CSMD1: variants seen among roughly 807,000 people sequenced by gnomAD.
CSMD1 encodes the protein CUB and sushi domain-containing protein 1.
Under a neutral mutation model 417.5 loss-of-function variants are expected in CSMD1, and 213 were observed. The observed-to-expected ratio is 0.51, with a 90% CI of 0.46 to 0.57. The LOEUF is 0.57. CSMD1 is among the 20% of genes least tolerant of loss of function. The probability of loss-of-function intolerance (pLI) is 0.00; values close to 1 mark genes in which losing one functional copy is unlikely to be tolerated. For missense variants in CSMD1, 6,923 were observed against 4,529.7 expected, an observed-to-expected ratio of 1.53 and a Z score of -15.17; for synonymous variants, 2,862 against 1,736.8, an observed-to-expected ratio of 1.65 and a Z score of -16.11.
chr8:4,704,554 T>G (rs1181291242), intron 1 of CSMD1, among the ~76,000 whole-genome samples: 1 of 152,220 alleles, frequency 6.6e-6, no homozygotes, highest in Non-Finnish European at 1.5e-5. Flanking sequence ...TTGACTGCTT[T>G]TGATTACAGA....
chr8:4,397,806 A>C (rs571791694), intron 3 of CSMD1, among the ~76,000 whole-genome samples: 1 of 152,106 alleles, frequency 6.6e-6, no homozygotes, highest in Non-Finnish European at 1.5e-5. Flanking sequence ...TTACATGCTA[A>C]TTATACAATA....
chr8:4,191,941 C>T (rs1799057273), intron 3 of CSMD1, among the ~76,000 whole-genome samples: 1 of 152,168 alleles, frequency 6.6e-6, no homozygotes, highest in Non-Finnish European at 1.5e-5. Context: ...CTCCCTTAAA[C>T]CAACTGCACC....
chr8:3,662,808 G>C (rs1001175470), intron 7 of CSMD1, among the ~76,000 whole-genome samples: 3 of 151,986 alleles, frequency 2.0e-5, no homozygotes, highest in Non-Finnish European at 1.5e-5. Context: ...TGGACACAGG[G>C]AGGGGAACAT....
intron 3 of CSMD1, among the ~76,000 whole-genome samples, chr8:4,175,568 T>C (rs761956158): frequency 2.8e-4 from 42 of 152,268 alleles, no homozygotes; most frequent in South Asian, 8.3e-4. Flanking sequence ...CTTAGATTTT[T>C]TGAAAGGTAT....
intron 6 of CSMD1, among the ~76,000 whole-genome samples, chr8:3,737,261 C>A (rs537882685): frequency 6.6e-6 from 1 of 152,190 alleles, no homozygotes; most frequent in African/African-American, 2.4e-5. Context: ...GGAGTAATGG[C>A]CTATAAGTTT....
intron 25 of CSMD1, among the ~76,000 whole-genome samples, chr8:3,306,788 T>C (rs1804888640): frequency 6.6e-6 from 1 of 151,916 alleles, no homozygotes; most frequent in Non-Finnish European, 1.5e-5. Context: ...TTATGTGCTA[T>C]GGTTTTGGAG....
At chr8:4,191,823 T>G (rs1243237883) in intron 3 of CSMD1, among the ~76,000 whole-genome samples, 2 of 151,920 alleles carry the variant, frequency 1.3e-5, no homozygotes, top group Non-Finnish European at 1.5e-5. Context: ...TCGAATGATT[T>G]ACAATATGAG....
At chr8:4,183,767 G>T (rs1214464275) in intron 3 of CSMD1, among the ~76,000 whole-genome samples, 1 of 152,164 alleles carries the variant, frequency 6.6e-6, no homozygotes, top group African/African-American at 2.4e-5. Flanking sequence ...GTATTTCGTT[G>T]ATGAAAGCTT....
chr8:3,472,279 G>T (rs1817150126), intron 11 of CSMD1, among the ~76,000 whole-genome samples: 1 of 152,026 alleles, frequency 6.6e-6, no homozygotes, highest in African/African-American at 2.4e-5. Context: ...ACAAACTTAA[G>T]CACCTAACCC....
chr8:4,329,342 G>T (rs143856933), intron 3 of CSMD1, among the ~76,000 whole-genome samples: 1 of 152,158 alleles, frequency 6.6e-6, no homozygotes, highest in Non-Finnish European at 1.5e-5. Context: ...AGGCTGGAGT[G>T]CAGTGATGCA....
intron 7 of CSMD1, among the ~76,000 whole-genome samples, chr8:3,625,960 G>A (rs1306408707): frequency 6.6e-6 from 1 of 152,130 alleles, no homozygotes; most frequent in Non-Finnish European, 1.5e-5. Context: ...TTCAAATTAA[G>A]CCAAGATGTT....
chr8:4,205,964 C>T (rs1455018135), intron 3 of CSMD1, among the ~76,000 whole-genome samples: 1 of 152,158 alleles, frequency 6.6e-6, no homozygotes, highest in Non-Finnish European at 1.5e-5. Context: ...TTCTTTTTCA[C>T]ACGTTTCCAT....
At chr8:4,112,605 G>C (rs914480649) in intron 3 of CSMD1, among the ~76,000 whole-genome samples, 5 of 152,148 alleles carry the variant, frequency 3.3e-5, no homozygotes, top group Non-Finnish European at 7.3e-5. Flanking sequence ...GCGTGTATGA[G>C]GGCTGGTTCT....
intron 3 of CSMD1, among the ~76,000 whole-genome samples, chr8:4,342,918 A>C (rs13273281): frequency 8.5e-5 from 13 of 152,080 alleles, no homozygotes; most frequent in African/African-American, 2.9e-4. Flanking sequence ...AGAGAATTCC[A>C]AGATATGCTG....
intron 1 of CSMD1, among the ~76,000 whole-genome samples, chr8:4,920,489 G>A (rs569214197): frequency 3.9e-5 from 6 of 152,206 alleles, no homozygotes; most frequent in African/African-American, 1.4e-4. Flanking sequence ...TTTTTCTCAG[G>A]AATCAAGGAT....
intron 5 of CSMD1, among the ~76,000 whole-genome samples, chr8:3,784,897 A>T (rs1799369922): frequency 6.6e-6 from 1 of 152,240 alleles, no homozygotes; most frequent in Non-Finnish European, 1.5e-5. Flanking sequence ...TGTACTTTAC[A>T]AACATCATTT....
chr8:3,514,705 G>C (rs1797215794), intron 10 of CSMD1, among the ~76,000 whole-genome samples: 1 of 151,876 alleles, frequency 6.6e-6, no homozygotes, highest in Non-Finnish European at 1.5e-5. Flanking sequence ...AATATCATTT[G>C]AAGCTGAACC....
intron 1 of CSMD1, among the ~76,000 whole-genome samples, chr8:4,661,453 GAGAAC>G (rs764037310): frequency 6.6e-6 from 1 of 152,164 alleles, no homozygotes; most frequent in Non-Finnish European, 1.5e-5. Context: ...TATAGAAATG[GAGAAC>G]AGATTATTCA....
rs78177994 is a variant in CSMD1, at chr8:4,455,107, G to A, written c.303-35042C>T. Reference sequence around the variant, plus strand: ...GGAATTTTTTCTTAAGGTCTGACACGTAATAAAGGATGACGGATATCAAAG... The same window carrying A: ...GGAATTTTTTCTTAAGGTCTGACACATAATAAAGGATGACGGATATCAAAG... On this transcript the variant is annotated intron_variant, in intron 2 of 69. Coordinates refer to ENST00000635120, the MANE Select transcript of CSMD1 (RefSeq NM_033225.6). Among the ~76,000 whole-genome samples the A allele has an allele frequency of 4.1e-4, 62 of 152,292 alleles. No individual in the cohort carries two copies. In the East Asian group the frequency reaches 7.1e-3, roughly 18 times the overall value.
Sources: gnomAD v4.1 joint callset for allele counts (sites outside exome capture counted in the v4.1 genomes callset) on GRCh38, gnomAD v4.1.1 for gene constraint, MANE v1.5 for transcripts, NCBI Gene and HGNC (gene_info 2026-07-23, HGNC 2026-07-21) for gene names.